Variants in PIEZO2 observed in about 807,000 individuals in gnomAD.
The protein encoded by PIEZO2 is piezo type mechanosensitive ion channel component 2, also known as piezo-type mechanosensitive ion channel component 2.
Under a neutral mutation model 337.3 loss-of-function variants are expected in PIEZO2, and 172 were observed. The ratio of observed to expected loss-of-function variants is 0.51; its 90% CI spans 0.45 to 0.58. PIEZO2 has a LOEUF of 0.58. PIEZO2 is among the 20% of genes least tolerant of loss of function. The pLI is 0.00. For missense variants in PIEZO2, 3,028 were observed against 3,391.3 expected (o/e 0.89, Z 2.66); for synonymous variants, 1,251 against 1,228.5 (o/e 1.02, Z -0.38).
At position 10,815,131 on chromosome 18, in the gene PIEZO2, G is replaced by A. The variant is rs2040323995; in HGVS notation, c.918-7857C>T. 6.6e-6 allele frequency among the ~76,000 whole-genome samples: 1 copy of A among 152,070 alleles called. No homozygotes were observed. Among genetic ancestry groups the A allele is most frequent in the South Asian group, 2.1e-4 (1 of 4,806 alleles). On this transcript the variant is annotated intron_variant, in intron 7 of 55. Transcript: ENST00000674853. This position sits in a 1 kb window ranked among gnomAD's most constrained non-coding sequence, Gnocchi z 4.1. ...CTACCGACCCTTTCCCCACTCTAAT[G>A]GCATAAATCTAATGGCAACAAAACA...
chr18:11,111,266 C>A lies in PIEZO2; in HGVS notation c.64+37259G>T, dbSNP rs2039723791. Among the ~76,000 whole-genome samples, 1 of 152,170 alleles carries A rather than the reference C, an allele frequency of 6.6e-6. No individual in the cohort carries two copies. The highest frequency in any genetic ancestry group is 6.5e-5 in the Admixed American group (1 of 15,282). On this transcript the variant is annotated intron_variant, in intron 1 of 55. Coordinates refer to ENST00000674853, the MANE Select transcript of PIEZO2 (RefSeq NM_001378183.1). This position sits in a 1 kb window ranked among gnomAD's most constrained non-coding sequence, Gnocchi z 6.2. ...CTGGGGTCTGTGAGAACTTCCCTGG[C>A]CTTCGTTTCCCATCCCTTTCAACAG...
At chr18:10,983,056 C>A (rs1164060425) in intron 2 of PIEZO2, among the ~76,000 whole-genome samples, 3 of 152,048 alleles carry the variant, frequency 2.0e-5, no homozygotes, top group Non-Finnish European at 4.4e-5. Flanking sequence ...AACTTATATT[C>A]CTTAGGGAGA....
At chr18:10,685,219 G>T (rs1041091515) in intron 49 of PIEZO2, among the ~76,000 whole-genome samples, 1 of 152,164 alleles carries the variant, frequency 6.6e-6, no homozygotes, top group African/African-American at 2.4e-5. Flanking sequence ...GTTAAGAGCA[G>T]CTTATTATTC....
intron 2 of PIEZO2, among the ~76,000 whole-genome samples, chr18:11,013,813 T>A (rs1295443741): frequency 6.6e-6 from 1 of 152,180 alleles, no homozygotes; most frequent in African/African-American, 2.4e-5. Flanking sequence ...AGATGCCCAT[T>A]ACAGAGGCTT....
chr18:11,039,642 G>A lies in PIEZO2; in HGVS notation c.160+26485C>T, dbSNP rs139702470. ...GAAGTGAGGTTATATAGGTCAATGG[G>A]ATGACATATATTATCCTATATCTTT... On this transcript the variant is annotated intron_variant, in intron 2 of 55. Coordinates refer to ENST00000674853, the MANE Select transcript of PIEZO2 (RefSeq NM_001378183.1). 9.7e-3 allele frequency among the ~76,000 whole-genome samples: 1,472 copies of A among 151,982 alleles called. 15 individuals are homozygous for A. Among genetic ancestry groups the A allele is most frequent in the Non-Finnish European group, 0.014 (955 of 67,938 alleles).
At chr18:10,743,993 C>T in intron 31 of PIEZO2, 149 bp downstream of exon 31, 2 of 587,996 alleles carry the variant, frequency 3.4e-6, no homozygotes, top group South Asian at 4.2e-5. Flanking sequence ...AGCAACTGCC[C>T]CCGCACAAGA....
chr18:11,044,659 T>G (rs1289107883), intron 2 of PIEZO2, among the ~76,000 whole-genome samples: 1 of 152,226 alleles, frequency 6.6e-6, no homozygotes, highest in Non-Finnish European at 1.5e-5. Flanking sequence ...ACCCTCACAT[T>G]CTACTGTGAA....
rs918169996 is a variant in PIEZO2, at chr18:11,130,190, C to T, written c.64+18335G>A. Among the ~76,000 whole-genome samples the T allele has an allele frequency of 4.6e-5, 7 of 152,324 alleles. No individual in the cohort carries two copies. In the South Asian group the frequency reaches 1.0e-3, roughly 23 times the overall value. On this transcript the variant is annotated intron_variant, in intron 1 of 55. Transcript: ENST00000674853. Reference sequence around the variant, plus strand: ...CACATTCCAGTTCAACTCTCCCATTCGGCCTGTGCAGAAGACACATGGATC... The same window carrying T: ...CACATTCCAGTTCAACTCTCCCATTTGGCCTGTGCAGAAGACACATGGATC...
At position 10,899,387 on chromosome 18, in the gene PIEZO2, GA is replaced by G. The variant is rs1272272563; in HGVS notation, c.329+11798del. ...AGGATAATGTATTTCCAAAGATTTG[GA>G]TGGAAAACTCAAACACTTCCTATGA... On this transcript the variant is annotated intron_variant, in intron 4 of 55. Transcript: ENST00000674853. This position sits in a 1 kb window ranked among gnomAD's most constrained non-coding sequence, Gnocchi z 4.6. Among the ~76,000 whole-genome samples, 1 of 152,170 alleles carries G rather than the reference GA, an allele frequency of 6.6e-6. No individual in the cohort carries two copies. Among genetic ancestry groups the G allele is most frequent in the Non-Finnish European group, 1.5e-5 (1 of 68,030 alleles).
intron 2 of PIEZO2, among the ~76,000 whole-genome samples, chr18:10,983,182 G>T (rs1020255025): frequency 3.9e-5 from 6 of 152,082 alleles, no homozygotes; most frequent in Admixed American, 3.9e-4. Flanking sequence ...GGGCAGAAAT[G>T]GTATCAGCAA....
chr18:10,919,441 G>C lies in PIEZO2; in HGVS notation c.287-8213C>G, dbSNP rs556911867. ...ATTATATTTGTTTTTTGGCCCTTAG[G>C]AATTTTTTAATATCCAAATACGTCA... On this transcript the variant is annotated intron_variant, in intron 3 of 55. Transcript: ENST00000674853. Among the ~76,000 whole-genome samples the C allele has an allele frequency of 4.3e-4, 65 of 152,168 alleles. No individual in the cohort carries two copies. The East Asian group carries it at 0.012, about 28-fold the overall frequency.
chr18:11,023,708 G>A (rs552545754), intron 2 of PIEZO2, among the ~76,000 whole-genome samples: 3 of 152,300 alleles, frequency 2.0e-5, no homozygotes, highest in Non-Finnish European at 2.9e-5. Flanking sequence ...GGCGGCGCTC[G>A]TCCGGGAGGC....
rs1402678126 is a variant in PIEZO2, at chr18:11,047,795, T to A, written c.160+18332A>T. The stretch of plus-strand genomic sequence containing the variant: ...AAAAGAGCAGTTTTCATTCCGCAGA[T>A]GCTATTAGACCCCAGGGAATGCGAA... On this transcript the variant is annotated intron_variant, in intron 2 of 55. Coordinates refer to ENST00000674853, the MANE Select transcript of PIEZO2 (RefSeq NM_001378183.1). The surrounding 1 kb of genome is among the most constrained non-coding windows in gnomAD (Gnocchi z 7.2). Among the ~76,000 whole-genome samples the A allele has an allele frequency of 1.3e-5, 2 of 152,150 alleles. No homozygotes were observed. Among genetic ancestry groups the A allele is most frequent in the Non-Finnish European group, 2.9e-5 (2 of 68,018 alleles).
rs550507260 is a variant in PIEZO2, at chr18:11,002,465, GCA to G, written c.161-22807_161-22806del. On this transcript the variant is annotated intron_variant, in intron 2 of 55. Coordinates refer to ENST00000674853, the MANE Select transcript of PIEZO2 (RefSeq NM_001378183.1). The surrounding 1 kb of genome is among the most constrained non-coding windows in gnomAD (Gnocchi z 4.3). The stretch of plus-strand genomic sequence containing the variant: ...TCCTCACTTATGGGGAACAAACAAA[GCA>G]CAGTGTTGACCCATTTGCAACACAT... Among the ~76,000 whole-genome samples the G allele has an allele frequency of 2.0e-3, 307 of 152,310 alleles. 2 individuals carry two copies. Among genetic ancestry groups the G allele is most frequent in the African/African-American group, 7.2e-3 (300 of 41,572 alleles).
At chr18:10,771,812 A>G (rs2038612995) in intron 20 of PIEZO2, among the ~76,000 whole-genome samples, 1 of 152,200 alleles carries the variant, frequency 6.6e-6, no homozygotes, top group South Asian at 2.1e-4. Context: ...TCCCCTTGGA[A>G]TGTGAATCCC....
chr18:10,905,478 G>A (rs1368341208), intron 4 of PIEZO2, among the ~76,000 whole-genome samples: 1 of 151,922 alleles, frequency 6.6e-6, no homozygotes, highest in Non-Finnish European at 1.5e-5. Context: ...AGCTACTCAG[G>A]AGGCTGAGGC....
chr18:10,689,564 T>C, intron 49 of PIEZO2, 91 bp downstream of exon 49: 1 of 1,571,218 alleles, frequency 6.4e-7, no homozygotes. Context: ...GCCTCATGCC[T>C]TCATTGTGAG....
chr18:10,757,926 C>T, intron 27 of PIEZO2, 43 bp downstream of exon 27: 7 of 1,481,528 alleles, frequency 4.7e-6, no homozygotes, highest in Non-Finnish European at 6.3e-6. Flanking sequence ...AATGGAAATG[C>T]ACACATCAAA....
At chr18:11,093,195 A>C (rs561797702) in intron 1 of PIEZO2, among the ~76,000 whole-genome samples, 115 of 152,268 alleles carry the variant, frequency 7.6e-4, no homozygotes, top group African/African-American at 2.6e-3. Flanking sequence ...CCTTTCCACA[A>C]ACCCTGTGCA....
Sources: allele counts gnomAD v4.1 joint callset (sites outside exome capture counted in the v4.1 genomes callset), GRCh38; gene constraint gnomAD v4.1.1; non-coding constraint Gnocchi (gnomAD v3.1); transcripts MANE v1.5; gene names NCBI Gene and HGNC (gene_info 2026-07-23, HGNC 2026-07-21).